The following WIPI2 variants were observed in gnomAD, a reference collection of about 807,000 sequenced individuals.
WIPI2 encodes the protein WD repeat domain, phosphoinositide interacting 2, also known as WD repeat domain phosphoinositide-interacting protein 2.
WIPI2 carries 28 observed loss-of-function variants against 52.3 expected under a neutral mutation model. That is an observed-to-expected ratio of 0.54 (90% CI 0.40 to 0.73). The LOEUF is 0.73. Among genes scored for constraint, WIPI2 ranks in the 30% least tolerant of loss-of-function variants. WIPI2 has a pLI of 0.00. For missense variants in WIPI2, 506 were observed against 602.9 expected, an observed-to-expected ratio of 0.84 and a Z score of 1.68; for synonymous variants, 268 against 245.0, an observed-to-expected ratio of 1.09 and a Z score of -0.88.
intron 2 of WIPI2, among the ~76,000 whole-genome samples, chr7:5,197,571 T>A (rs1191639029): frequency 1.3e-5 from 2 of 151,952 alleles, no homozygotes; most frequent in East Asian, 3.8e-4. Context: ...GCTGGTAGAG[T>A]TTTGTTTCTG....
At chr7:5,206,865 C>T (rs950708240) in intron 3 of WIPI2, among the ~76,000 whole-genome samples, 1 of 152,200 alleles carries the variant, frequency 6.6e-6, no homozygotes, top group African/African-American at 2.4e-5. Context: ...ACAGCTTTGA[C>T]CTCTGGGGCT....
intron 8 of WIPI2, among the ~76,000 whole-genome samples, chr7:5,225,236 G>T (rs898113868): frequency 1.3e-5 from 2 of 151,676 alleles, no homozygotes; most frequent in African/African-American, 4.8e-5. Context: ...TGCCTCCCAG[G>T]TTCAAGCAAT....
At chr7:5,228,414 C>T (rs985454275) in intron 11 of WIPI2, among the ~76,000 whole-genome samples, 8 of 152,232 alleles carry the variant, frequency 5.3e-5, no homozygotes, top group South Asian at 2.1e-4. Flanking sequence ...CCCCGGGCTG[C>T]GGCTGGTGGC....
At chr7:5,226,956 C>A (rs1005925025) in intron 9 of WIPI2, 3 of 567,364 alleles carry the variant, frequency 5.3e-6, no homozygotes, top group Admixed American at 3.2e-5. Context: ...AAGGCTGTAG[C>A]TCCTCCCTGA....
At chr7:5,229,360 T>C in intron 11 of WIPI2, 1 of 365,460 alleles carries the variant, frequency 2.7e-6, no homozygotes, top group Non-Finnish European at 5.0e-6. Context: ...TATTAGTTAG[T>C]TCTTCCATTG....
chr7:5,205,344 CT>C (rs1464059534), intron 3 of WIPI2, among the ~76,000 whole-genome samples: 2 of 152,324 alleles, frequency 1.3e-5, no homozygotes, highest in South Asian at 2.1e-4. Flanking sequence ...TCATTTCTGC[CT>C]TTTGCAGAGC....
intron 7 of WIPI2, among the ~76,000 whole-genome samples, chr7:5,221,482 C>G (rs1036473411): frequency 6.6e-6 from 1 of 152,208 alleles, no homozygotes; most frequent in Non-Finnish European, 1.5e-5. Context: ...ATTTGGAATG[C>G]TACCCATTTT....
chr7:5,221,923 C>T (rs1245786070), intron 7 of WIPI2, among the ~76,000 whole-genome samples: 1 of 151,512 alleles, frequency 6.6e-6, no homozygotes, highest in Non-Finnish European at 1.5e-5. Context: ...AGGTCTTGCC[C>T]GTGTACCACA....
Position 5,190,430 on chromosome 7 carries a change from C to G in WIPI2, c.11C>G (p.Ala4Gly). Residue 4 changes from alanine (A) to glycine (G), a missense_variant, in exon 1 of 13, where the codon GCG becomes GGG. By Grantham distance (60) the Ala-to-Gly change is moderately conservative. Transcript: ENST00000288828. ...GCCGCGCGCCCAGCCATGAACCTGG[C>G]GAGCCAGAGCGGGGAGGCCGGCGCC... MNL[A>G]SQSGEAGAGQ... 6.8e-7 allele frequency: 1 copy of G among 1,470,762 alleles called. No homozygotes were observed. The highest frequency in any genetic ancestry group is 9.0e-7 in the Non-Finnish European group (1 of 1,106,904). 91.1% of individuals were successfully genotyped at this position (1,470,762 alleles called of 1,614,324 possible).
chr7:5,206,419 G>T (rs2115245437), intron 3 of WIPI2, among the ~76,000 whole-genome samples: 1 of 152,296 alleles, frequency 6.6e-6, no homozygotes. Context: ...GTATATGGAG[G>T]TTCATTTTAC....
chr7:5,224,423 C>T (rs1213882382), intron 8 of WIPI2, among the ~76,000 whole-genome samples: 1 of 152,192 alleles, frequency 6.6e-6, no homozygotes, highest in Non-Finnish European at 1.5e-5. Context: ...AGGGGTTCAC[C>T]TTGCCCGCTG....
chr7:5,227,965 G>C lies in WIPI2; in HGVS notation c.1014-139G>C. On this transcript the variant is annotated intron_variant, in intron 10 of 12. Coordinates refer to ENST00000288828, the MANE Select transcript of WIPI2 (RefSeq NM_015610.4). The surrounding 1 kb of genome is among the most constrained non-coding windows in gnomAD (Gnocchi z 8.1). The stretch of plus-strand genomic sequence containing the variant: ...TTGGCCGTGTGAGCCGAGGTCAGTG[G>C]GGCGCCAGACACCTGCAGCTGCCCT... 1.3e-6 allele frequency: 1 copy of C among 787,536 alleles called. No homozygotes were observed. The highest frequency in any genetic ancestry group is 2.2e-6 in the Non-Finnish European group (1 of 464,938). 48.8% of individuals were successfully genotyped at this position (787,536 alleles called of 1,614,324 possible). A position where few individuals can be genotyped will look rare whatever the true frequency, so the allele number is the denominator to read the frequency against.
At chr7:5,216,841 T>A (rs1782839234) in intron 5 of WIPI2, 182 bp downstream of exon 5, 1 of 703,270 alleles carries the variant, frequency 1.4e-6, no homozygotes, top group South Asian at 1.9e-5. Context: ...AGCTCATTGG[T>A]TTGATCAACT....
intron 7 of WIPI2, chr7:5,218,640 A>G (rs1297777397): frequency 2.6e-5 from 4 of 152,340 alleles, no homozygotes; most frequent in Non-Finnish European, 5.9e-5. Flanking sequence ...ATTTCTAACT[A>G]TGAATTCAAG....
chr7:5,220,960 A>ATTTTT (rs11361126), intron 7 of WIPI2, among the ~76,000 whole-genome samples: 1 of 107,550 alleles, frequency 9.3e-6, no homozygotes, highest in African/African-American at 3.7e-5. Context: ...CACCCACCTA[A>ATTTTT]TTTTTTTTTT....
chr7:5,195,771 G>A (rs1170050060), intron 2 of WIPI2, among the ~76,000 whole-genome samples: 2 of 152,130 alleles, frequency 1.3e-5, no homozygotes, highest in Non-Finnish European at 2.9e-5. Context: ...GCCAGGCACG[G>A]TGGTCACGCC....
intron 7 of WIPI2, 150 bp downstream of exon 7, chr7:5,218,164 G>A (rs887505826): frequency 2.2e-5 from 16 of 735,476 alleles, no homozygotes; most frequent in Middle Eastern, 2.4e-4. Flanking sequence ...GGCCACAGGC[G>A]TGTACTGCCC....
intron 7 of WIPI2, chr7:5,218,580 G>A (rs1782939492): frequency 6.5e-6 from 1 of 153,118 alleles, no homozygotes; most frequent in Admixed American, 6.5e-5. Flanking sequence ...CTAATATGTT[G>A]CTGCCGTAGG....
chr7:5,229,706 G>A lies in WIPI2; in HGVS notation c.1220G>A (p.Gly407Asp). ...TQTYGAAAGK[G>D]TYVPSSPTRL... ...ACATACGGCGCAGCTGCAGGAAAAG[G>A]TACTTACGTGCCTTCATCCCCAACG... Residue 407 changes from glycine (G) to aspartate (D), a missense_variant, in exon 12 of 13, where the codon GGT becomes GAT. Coordinates refer to ENST00000288828, the MANE Select transcript of WIPI2 (RefSeq NM_015610.4). 6.2e-7 allele frequency: 1 copy of A among 1,614,060 alleles called. No homozygotes were observed. The highest frequency in any genetic ancestry group is 2.2e-5 in the East Asian group (1 of 44,882).
Sources: gnomAD v4.1 joint callset for allele counts (sites outside exome capture counted in the v4.1 genomes callset) on GRCh38, gnomAD v4.1.1 for gene constraint, Gnocchi (gnomAD v3.1) non-coding constraint, MANE v1.5 for transcripts, NCBI Gene and HGNC (gene_info 2026-07-23, HGNC 2026-07-21) for gene names.